The following NOL4 variants were observed in gnomAD, a reference collection of about 807,000 sequenced individuals.
The protein encoded by NOL4 is nucleolar protein 4, also known as cancer/testis antigen 125.
NOL4 carries 17 observed loss-of-function variants against 75.9 expected under a neutral mutation model. The ratio of observed to expected loss-of-function variants is 0.22; its 90% CI spans 0.15 to 0.34. NOL4 has a LOEUF of 0.34. Ranked by LOEUF, NOL4 falls within the 10% of genes least tolerant of loss-of-function variation. The probability of loss-of-function intolerance (pLI) is 1.00; values close to 1 mark genes in which losing one functional copy is unlikely to be tolerated. For missense variants in NOL4, 614 were observed against 793.5 expected (o/e 0.77, Z 2.72); for synonymous variants, 292 against 289.9 (o/e 1.01, Z -0.07).
At chr18:34,099,374 A>AAAAAAAAAAAAAAAAAAAAAAAAAAAC (rs2078938843) in intron 4 of NOL4, among the ~76,000 whole-genome samples, 1 of 150,088 alleles carries the variant, frequency 6.7e-6, no homozygotes, top group Non-Finnish European at 1.5e-5. Flanking sequence ...AAAAAAAAAA[A>AAAAAAAAAAAAAAAAAAAAAAAAAAAC]AAAGACAACT....
At chr18:33,865,676 C>A (rs2063397543) in intron 10 of NOL4, among the ~76,000 whole-genome samples, 1 of 152,106 alleles carries the variant, frequency 6.6e-6, no homozygotes. Flanking sequence ...AACCCTCCAT[C>A]TTCAGATAAC....
chr18:34,209,993 G>A (rs2036403096), intron 1 of NOL4, among the ~76,000 whole-genome samples: 1 of 152,066 alleles, frequency 6.6e-6, no homozygotes, highest in South Asian at 2.1e-4. Flanking sequence ...TAGTTCTATG[G>A]CTGACCAAAA....
At chr18:34,090,910 G>A (rs947209701) in intron 5 of NOL4, among the ~76,000 whole-genome samples, 1 of 152,010 alleles carries the variant, frequency 6.6e-6, no homozygotes, top group Non-Finnish European at 1.5e-5. Flanking sequence ...TGAATGAAGA[G>A]GTGCAATGGG....
chr18:33,877,028 G>A (rs966521576), intron 10 of NOL4, among the ~76,000 whole-genome samples: 4 of 152,002 alleles, frequency 2.6e-5, no homozygotes, highest in African/African-American at 9.7e-5. Flanking sequence ...CTTTGTTGTT[G>A]TTATTGCTGT....
chr18:33,985,475 C>T (rs1399751374), intron 6 of NOL4, among the ~76,000 whole-genome samples: 1 of 152,044 alleles, frequency 6.6e-6, no homozygotes, highest in Admixed American at 6.6e-5. Context: ...TATTTTATGT[C>T]ATCTATTGAG....
In NOL4 at chr18:33,942,988, C is replaced by T. The variant is rs538593295; in HGVS notation, c.1542+77G>A. ...CTTTAAATCCATTCAAGAGCTTTTA[C>T]TCTTCAACATAAATCAAATTAAATG... On this transcript the variant is annotated intron_variant, in intron 9 of 10. Transcript: ENST00000261592. The T allele has an allele frequency of 3.5e-5, 34 of 972,052 alleles. 1 individual carries two copies. The South Asian group carries it at 4.4e-4, about 12-fold the overall frequency. 60.2% of individuals were successfully genotyped at this position (972,052 alleles called of 1,614,324 possible).
At chr18:34,040,660 T>C (rs1243540362) in intron 5 of NOL4, among the ~76,000 whole-genome samples, 2 of 152,010 alleles carry the variant, frequency 1.3e-5, no homozygotes, top group African/African-American at 2.4e-5. Flanking sequence ...GTCTGTGTAC[T>C]TTCCACTGCC....
intron 2 of NOL4, among the ~76,000 whole-genome samples, chr18:34,116,307 C>A (rs2079854866): frequency 6.6e-6 from 1 of 151,962 alleles, no homozygotes; most frequent in Non-Finnish European, 1.5e-5. Flanking sequence ...AAAAAACAAG[C>A]AAACTCTTGG....
intron 6 of NOL4, among the ~76,000 whole-genome samples, chr18:33,993,734 T>C (rs180756925): frequency 1.6e-3 from 250 of 151,796 alleles, no homozygotes; most frequent in African/African-American, 5.6e-3. Context: ...GAAGATATGA[T>C]GAGAATTTCA....
chr18:33,883,715 A>G (rs1456187177), intron 9 of NOL4, among the ~76,000 whole-genome samples: 1 of 152,118 alleles, frequency 6.6e-6, no homozygotes, highest in African/African-American at 2.4e-5. Context: ...AAGCCTAAAC[A>G]TCTCTTGACA....
At chr18:34,127,888 G>A (rs1480546207) in intron 2 of NOL4, among the ~76,000 whole-genome samples, 5 of 151,884 alleles carry the variant, frequency 3.3e-5, no homozygotes, top group Non-Finnish European at 5.9e-5. Context: ...CACTTTAGAT[G>A]TGCAAAGAAA....
intron 6 of NOL4, among the ~76,000 whole-genome samples, chr18:34,012,044 C>T (rs2074403006): frequency 6.6e-6 from 1 of 151,928 alleles, no homozygotes; most frequent in Non-Finnish European, 1.5e-5. Context: ...CCAACATGGA[C>T]TGGAACATGC....
At chr18:34,109,992 G>A (rs1302457094) in intron 2 of NOL4, among the ~76,000 whole-genome samples, 1 of 151,408 alleles carries the variant, frequency 6.6e-6, no homozygotes, top group Non-Finnish European at 1.5e-5. Context: ...AGTGAGTAAG[G>A]GATCAAATCA....
intron 10 of NOL4, among the ~76,000 whole-genome samples, chr18:33,855,824 CTTT>C (rs2062812768): frequency 1.6e-5 from 1 of 63,882 alleles, no homozygotes; most frequent in Admixed American, 1.6e-4. Flanking sequence ...TCTTCATTTT[CTTT>C]TTCTTCATTT....
chr18:34,199,234 T>A (rs561785980), intron 1 of NOL4, among the ~76,000 whole-genome samples: 160 of 150,836 alleles, frequency 1.1e-3, no homozygotes, highest in Non-Finnish European at 2.0e-3. Context: ...TTCAGCTCTA[T>A]GAAGGGATTT....
intron 2 of NOL4, among the ~76,000 whole-genome samples, chr18:34,124,039 A>T (rs1256973021): frequency 6.6e-6 from 1 of 152,156 alleles, no homozygotes; most frequent in African/African-American, 2.4e-5. Context: ...TCTGTTAGAC[A>T]TCCAGAACAG....
intron 6 of NOL4, among the ~76,000 whole-genome samples, chr18:34,016,137 G>T (rs2074679084): frequency 6.6e-6 from 1 of 152,008 alleles, no homozygotes; most frequent in South Asian, 2.1e-4. Flanking sequence ...ACCTATGGAG[G>T]TTAGATAGGT....
At chr18:34,024,998 C>T (rs998950433) in intron 5 of NOL4, among the ~76,000 whole-genome samples, 6 of 151,950 alleles carry the variant, frequency 3.9e-5, no homozygotes, top group Non-Finnish European at 5.9e-5. Context: ...CAGTAGAATA[C>T]GCAATTAAAG....
chr18:34,204,320 A>C (rs753492025), intron 1 of NOL4, among the ~76,000 whole-genome samples: 14 of 152,096 alleles, frequency 9.2e-5, no homozygotes, highest in Admixed American at 5.9e-4. Flanking sequence ...GTATTGTTTA[A>C]TTCACTAGTC....
Sources: allele counts gnomAD v4.1 joint callset (sites outside exome capture counted in the v4.1 genomes callset), GRCh38; gene constraint gnomAD v4.1.1; transcripts MANE v1.5; gene names NCBI Gene and HGNC (gene_info 2026-07-23, HGNC 2026-07-21).